Variants in MYO16 observed in about 807,000 individuals in gnomAD.
MYO16 encodes the protein unconventional myosin-XVI.
Under a neutral mutation model 205.3 loss-of-function variants are expected in MYO16, and 94 were observed. That is an observed-to-expected ratio of 0.46 (90% CI 0.39 to 0.54). The LOEUF is 0.54. MYO16 is among the 20% of genes least tolerant of loss of function. MYO16 has a pLI of 0.00. For missense variants in MYO16, 2,315 were observed against 2,387.5 expected (o/e 0.97, Z 0.63); for synonymous variants, 988 against 954.0 (o/e 1.04, Z -0.66).
At chr13:109,147,702 A>G (rs1300982825) in intron 32 of MYO16, among the ~76,000 whole-genome samples, 1 of 152,166 alleles carries the variant, frequency 6.6e-6, no homozygotes, top group Non-Finnish European at 1.5e-5. Flanking sequence ...GGGAGTGCTC[A>G]TGAAAATTAG....
intron 20 of MYO16, among the ~76,000 whole-genome samples, chr13:108,967,471 T>G (rs553027063): frequency 6.6e-6 from 1 of 152,298 alleles, no homozygotes; most frequent in African/African-American, 2.4e-5. Context: ...GTTTGCCACG[T>G]TTGCTGGATC....
intron 28 of MYO16, 124 bp from the exon 29 acceptor site, chr13:109,120,246 A>C (rs1315339099): frequency 2.8e-5 from 18 of 638,578 alleles, no homozygotes; most frequent in Non-Finnish European, 4.9e-5. Flanking sequence ...AGAGACATGT[A>C]CTCTAATTTT....
intron 1 of MYO16, among the ~76,000 whole-genome samples, chr13:108,658,778 T>G (rs1450740090): frequency 6.6e-6 from 1 of 152,164 alleles, no homozygotes; most frequent in Non-Finnish European, 1.5e-5. Context: ...TCCTCAGAAT[T>G]TATTGAGATT....
intron 1 of MYO16, among the ~76,000 whole-genome samples, chr13:108,644,161 A>G (rs1221964798): frequency 2.0e-5 from 3 of 152,092 alleles, no homozygotes; most frequent in Non-Finnish European, 2.9e-5. Flanking sequence ...TCCTGAGCTC[A>G]TTCTGCTTAC....
At chr13:108,641,849 C>A (rs1051548785) in intron 1 of MYO16, among the ~76,000 whole-genome samples, 2 of 152,232 alleles carry the variant, frequency 1.3e-5, no homozygotes, top group South Asian at 2.1e-4. Flanking sequence ...AAAATCAGTT[C>A]AAGTGAAATT....
intron 15 of MYO16, among the ~76,000 whole-genome samples, chr13:108,901,286 C>T: frequency 6.6e-6 from 1 of 152,136 alleles, no homozygotes; most frequent in East Asian, 1.9e-4. Flanking sequence ...ACTCCCTCCC[C>T]TTTTGAAAAT....
At chr13:108,582,475 A>C in the MYO16 span, among the ~76,000 whole-genome samples, 1 of 152,196 alleles carries the variant, frequency 6.6e-6, no homozygotes, top group African/African-American at 2.4e-5. Context: ...GCACAACCCA[A>C]CTGAGCACCC....
the MYO16 span, among the ~76,000 whole-genome samples, chr13:108,506,319 G>C: frequency 5.3e-5 from 8 of 151,950 alleles, no homozygotes; most frequent in African/African-American, 1.9e-4. Flanking sequence ...ATTTATTTCT[G>C]TCTTCATAAA....
intron 23 of MYO16, among the ~76,000 whole-genome samples, chr13:109,020,186 G>A (rs963403067): frequency 6.6e-6 from 1 of 152,138 alleles, no homozygotes; most frequent in African/African-American, 2.4e-5. Flanking sequence ...AATACAAAGA[G>A]CTCTGCTATA....
intron 28 of MYO16, among the ~76,000 whole-genome samples, chr13:109,107,365 C>G (rs1889150796): frequency 6.6e-6 from 1 of 152,110 alleles, no homozygotes; most frequent in Non-Finnish European, 1.5e-5. Context: ...AAGTTATGAT[C>G]TTTGAAGGAT....
At chr13:108,561,910 G>T in the MYO16 span, among the ~76,000 whole-genome samples, 3 of 152,138 alleles carry the variant, frequency 2.0e-5, no homozygotes, top group Admixed American at 6.5e-5. Context: ...GAGACAAGGA[G>T]AATGTTTATA....
intron 28 of MYO16, chr13:109,101,758 A>G (rs1217113924): frequency 6.6e-6 from 1 of 152,224 alleles, no homozygotes; most frequent in Non-Finnish European, 1.5e-5. Context: ...ATGGTAGCTA[A>G]AAGCTTTGAT....
At chr13:108,742,440 AT>A (rs1884940085) in intron 4 of MYO16, among the ~76,000 whole-genome samples, 1 of 152,178 alleles carries the variant, frequency 6.6e-6, no homozygotes, top group Non-Finnish European at 1.5e-5. Flanking sequence ...ATATAATTAT[AT>A]AAAATTTGTC....
chr13:108,952,727 C>G (rs770515047), intron 16 of MYO16, among the ~76,000 whole-genome samples: 17 of 152,186 alleles, frequency 1.1e-4, no homozygotes, highest in Non-Finnish European at 2.1e-4. Context: ...TTCACAAATG[C>G]TCTCTGAAAT....
intron 27 of MYO16, among the ~76,000 whole-genome samples, chr13:109,071,046 G>A (rs1321004604): frequency 6.6e-6 from 1 of 152,024 alleles, no homozygotes; most frequent in African/African-American, 2.4e-5. Context: ...GGCAACTTAA[G>A]TACTAAATAC....
intron 1 of MYO16, among the ~76,000 whole-genome samples, chr13:108,598,753 C>G (rs1034942171): frequency 2.0e-5 from 3 of 152,168 alleles, no homozygotes; most frequent in Non-Finnish European, 4.4e-5. Flanking sequence ...CAATTGATAT[C>G]AAGTGCAAGA....
In MYO16 at chr13:109,140,929, G is replaced by C. The variant is rs780588986; in HGVS notation, c.4717G>C (p.Asp1573His). 3.2e-6 allele frequency: 5 copies of C among 1,564,162 alleles called. No individual in the cohort carries two copies. The highest frequency in any genetic ancestry group is 1.2e-5 in the South Asian group (1 of 85,886). Residue 1573 changes from aspartate to histidine, a missense_variant, in exon 32 of 35, where the codon GAC becomes CAC. Physicochemically the swap from Asp to His is moderately conservative, Grantham distance 81. This residue lies in a region of MYO16 where 1,097 missense variants were observed against 1,092.0 expected (regional missense o/e 1.00). Coordinates refer to ENST00000457511, the MANE Select transcript of MYO16 (RefSeq NM_001198950.3). This position sits in a 1 kb window ranked among gnomAD's most constrained non-coding sequence, Gnocchi z 8.0. The stretch of plus-strand genomic sequence containing the variant: ...CTCCAAGAGCCAGAAGGGCGACGGC[G>C]ACAGGCCCGCGTCCCCCGGCCTGGC... ...QYSKSQKGDG[D>H]RPASPGLALF...
chr13:108,622,714 G>A (rs1182018151), intron 1 of MYO16, among the ~76,000 whole-genome samples: 1 of 151,932 alleles, frequency 6.6e-6, no homozygotes, highest in African/African-American at 2.4e-5. Flanking sequence ...GAGGAGGTAA[G>A]AGGAGAGGCC....
At chr13:109,010,732 C>T (rs1401821497) in intron 22 of MYO16, among the ~76,000 whole-genome samples, 1 of 152,018 alleles carries the variant, frequency 6.6e-6, no homozygotes, top group African/African-American at 2.4e-5. Flanking sequence ...ACAGCATTTA[C>T]AGAAGTGTGG....
Sources: gnomAD v4.1 joint callset for allele counts (sites outside exome capture counted in the v4.1 genomes callset) on GRCh38, gnomAD v4.1.1 for gene constraint, gnomAD v4.1.1 regional missense constraint, Gnocchi (gnomAD v3.1) non-coding constraint, MANE v1.5 for transcripts, NCBI Gene and HGNC (gene_info 2026-07-23, HGNC 2026-07-21) for gene names.